The following DMRTB1 variants were observed in gnomAD, a reference collection of about 807,000 sequenced individuals.
DMRTB1 encodes DMRT like family B with proline rich C-terminal 1, also known as doublesex- and mab-3-related transcription factor B1.
Under a neutral mutation model 25.2 loss-of-function variants are expected in DMRTB1, and 9 were observed. The observed-to-expected ratio is 0.36, with a 90% CI of 0.22 to 0.62. The LOEUF (loss-of-function observed/expected upper bound fraction) is 0.62, where lower values mean the gene tolerates loss of function less well. DMRTB1 is among the 20% of genes least tolerant of loss of function. The probability of loss-of-function intolerance (pLI) is 0.71; values close to 1 mark genes in which losing one functional copy is unlikely to be tolerated. For missense variants in DMRTB1, 551 were observed against 499.3 expected (o/e 1.10, Z -0.99); for synonymous variants, 269 against 238.1 (o/e 1.13, Z -1.20).
At chr1:53,465,545 G>C (rs1027457976) in intron 3 of DMRTB1, among the ~76,000 whole-genome samples, 2 of 152,196 alleles carry the variant, frequency 1.3e-5, no homozygotes, top group Admixed American at 6.5e-5. Context: ...GTCTTCCCCT[G>C]GGGCTCCTAT....
chr1:53,464,510 C>T (rs1329894530), intron 2 of DMRTB1, 127 bp from the exon 3 acceptor site: 1 of 1,446,934 alleles, frequency 6.9e-7, no homozygotes, highest in East Asian at 2.3e-5. Context: ...TGCCCTGTGC[C>T]TGTGTGTTTG....
rs372787995 is a variant in DMRTB1, at chr1:53,459,634, G to T, written c.181G>T (p.Ala61Ser). The T allele has an allele frequency of 2.3e-4, 365 of 1,563,348 alleles. No homozygotes were observed. Among genetic ancestry groups the T allele is most frequent in the Middle Eastern group, 5.9e-4 (3 of 5,118 alleles). Residue 61 changes from alanine to serine, a missense_variant, in exon 1 of 4, where the codon GCC becomes TCC. Physicochemically the swap from Ala to Ser is moderately conservative, Grantham distance 99. Transcript: ENST00000371445. ...AAQKVLKTQA[A>S]EEEQEAALCA... ...GCAGAAGGTGCTCAAGACGCAGGCCGCCGAGGAGGAGCAGGAGGCGGCCCT... is the reference window on the plus strand; with the variant it reads ...GCAGAAGGTGCTCAAGACGCAGGCCTCCGAGGAGGAGCAGGAGGCGGCCCT...
rs1415839141 is a variant in DMRTB1 at position 53,462,443 on chromosome 1, A to T, written c.750+798A>T. ...CCCGGGCAGGTTGGGCACACAGGTC[A>T]CTGGGTCCTCACTCCTGCTTCAGCC... On this transcript the variant is annotated intron_variant, in intron 2 of 3. Transcript: ENST00000371445. Among the ~76,000 whole-genome samples the T allele has an allele frequency of 2.6e-5, 4 of 152,234 alleles. No individual in the cohort carries two copies. In the East Asian group the frequency reaches 7.7e-4, roughly 29 times the overall value.
rs927982466 is a variant in DMRTB1, at chr1:53,466,611, G to A, written c.978G>A (p.Glu326=). The change falls in exon 4 of 4, where the codon GAG becomes GAA. Residue 326 remains glutamate (E), a synonymous_variant. Transcript: ENST00000371445. ...DKENTDDQDA[E]VLSGEPSQPS... ...CCTTCACAGATGACCAGGATGCAGA[G>A]GTACTGTCGGGTGAGCCCAGCCAGC... 1.2e-5 allele frequency: 20 copies of A among 1,614,112 alleles called. No individual in the cohort carries two copies. Among genetic ancestry groups the A allele is most frequent in the Non-Finnish European group, 1.6e-5 (19 of 1,180,044 alleles).
Position 53,460,029 on chromosome 1 carries a change from T to G in DMRTB1, c.576T>G (p.Phe192Leu). 1 of 1,571,202 alleles carries G rather than the reference T, an allele frequency of 6.4e-7. No homozygotes were observed. The highest frequency in any genetic ancestry group is 8.6e-7 in the Non-Finnish European group (1 of 1,167,418). Reference protein sequence around the residue: ...RTVPGPLFTDFVRPLNINPDR... With the variant: ...RTVPGPLFTDLVRPLNINPDR... ...TGCCCGGCCCACTGTTCACCGACTT[T>G]GGTAAGTCGTGGCCTTGGTCCCGCG... is the stretch of plus-strand genomic sequence containing the variant. Residue 192 changes from phenylalanine to leucine, a missense_variant and splice_region_variant, in exon 1 of 4, where the codon TTT becomes TTG. Physicochemically the swap from Phe to Leu is conservative, Grantham distance 22. Coordinates refer to ENST00000371445, the MANE Select transcript of DMRTB1 (RefSeq NM_033067.3).
Position 53,466,668 on chromosome 1 carries a change from A to G in DMRTB1, c.*6A>G, listed in dbSNP as rs1441758042. ...CTCAGGAGCAGTCCGACTAGGCCCC[A>G]GGCCCGCCCTCCTGGCCAGCAGAGT... On this transcript the variant is annotated 3_prime_UTR_variant, in exon 4 of 4. Transcript: ENST00000371445. 2 of 1,614,108 alleles carry G rather than the reference A, an allele frequency of 1.2e-6. No individual in the cohort carries two copies. The highest frequency in any genetic ancestry group is 2.2e-5 in the South Asian group (2 of 91,064).
intron 2 of DMRTB1, among the ~76,000 whole-genome samples, chr1:53,463,678 A>G (rs777891433): frequency 1.3e-5 from 2 of 152,184 alleles, no homozygotes; most frequent in Non-Finnish European, 2.9e-5. Flanking sequence ...GTGACCCACT[A>G]ATGTGGGGAG....
chr1:53,461,126 G>T (rs1423703667), intron 1 of DMRTB1, among the ~76,000 whole-genome samples: 1 of 152,232 alleles, frequency 6.6e-6, no homozygotes. Flanking sequence ...ACACAAATCA[G>T]TGTCCAGGGC....
intron 3 of DMRTB1, among the ~76,000 whole-genome samples, chr1:53,466,104 C>T (rs1360537704): frequency 1.3e-5 from 2 of 152,170 alleles, no homozygotes; most frequent in East Asian, 3.9e-4. Context: ...AATCACATGG[C>T]CAAGGCTAGG....
chr1:53,463,413 C>G (rs1644033953), intron 2 of DMRTB1, among the ~76,000 whole-genome samples: 1 of 152,164 alleles, frequency 6.6e-6, no homozygotes. Flanking sequence ...GCCACGTGAC[C>G]CGTGGCAGTT....
chr1:53,466,432 G>T (rs1025551301), intron 3 of DMRTB1, among the ~76,000 whole-genome samples, 163 bp from the exon 4 acceptor site: 1 of 152,220 alleles, frequency 6.6e-6, no homozygotes, highest in East Asian at 1.9e-4. Context: ...TGGAGGTTGC[G>T]GTGAGCTGAG....
chr1:53,466,317 C>A (rs1644049703), intron 3 of DMRTB1, among the ~76,000 whole-genome samples: 1 of 152,014 alleles, frequency 6.6e-6, no homozygotes, highest in Admixed American at 6.6e-5. Context: ...ATGGGGCAAC[C>A]CTGTCTCTAC....
chr1:53,461,184 C>T (rs1644020079), intron 1 of DMRTB1, among the ~76,000 whole-genome samples: 1 of 152,154 alleles, frequency 6.6e-6, no homozygotes, highest in Non-Finnish European at 1.5e-5. Flanking sequence ...AGGAGGAGCT[C>T]GGCACTGAGG....
chr1:53,461,213 C>T (rs1278069186), intron 1 of DMRTB1, among the ~76,000 whole-genome samples: 1 of 152,144 alleles, frequency 6.6e-6, no homozygotes, highest in African/African-American at 2.4e-5. Flanking sequence ...AGGCAGAGTG[C>T]GGGCTGACGG....
At chr1:53,460,794 C>A (rs2100636882) in intron 1 of DMRTB1, among the ~76,000 whole-genome samples, 1 of 152,312 alleles carries the variant, frequency 6.6e-6, no homozygotes, top group South Asian at 2.1e-4. Context: ...GGGACGGGCT[C>A]AGGCCGAGGC....
At chr1:53,463,016 T>C (rs1321045136) in intron 2 of DMRTB1, among the ~76,000 whole-genome samples, 1 of 152,240 alleles carries the variant, frequency 6.6e-6, no homozygotes, top group Non-Finnish European at 1.5e-5. Flanking sequence ...CGGCCTTTGT[T>C]AAGAGTGTGA....
chr1:53,460,180 G>T, intron 1 of DMRTB1, 150 bp downstream of exon 1: 3 of 1,179,192 alleles, frequency 2.5e-6, no homozygotes, highest in South Asian at 3.5e-5. Context: ...TTCGAACAGG[G>T]ATTTGGATTG....
intron 2 of DMRTB1, 60 bp downstream of exon 2, chr1:53,461,705 G>A (rs974976347): frequency 6.7e-7 from 1 of 1,489,746 alleles, no homozygotes; most frequent in African/African-American, 1.4e-5. Flanking sequence ...CTGCTGCCTT[G>A]ATGGATCCTC....
intron 1 of DMRTB1, 136 bp downstream of exon 1, chr1:53,460,166 C>T (rs1644011352): frequency 8.1e-7 from 1 of 1,234,798 alleles, no homozygotes; most frequent in Non-Finnish European, 1.1e-6. Context: ...TTGAGAAACC[C>T]TTCTTCGAAC....
Sources: allele counts gnomAD v4.1 joint callset (sites outside exome capture counted in the v4.1 genomes callset), GRCh38; gene constraint gnomAD v4.1.1; transcripts MANE v1.5; gene names NCBI Gene and HGNC (gene_info 2026-07-23, HGNC 2026-07-21).